The following TRHDE variants were observed in gnomAD, a reference collection of about 807,000 sequenced individuals.
TRHDE encodes the protein thyrotropin releasing hormone degrading enzyme.
In TRHDE, 72 loss-of-function variants were observed where a neutral mutation model predicts 125.7. The ratio of observed to expected loss-of-function variants is 0.57; its 90% CI spans 0.47 to 0.70. The LOEUF (loss-of-function observed/expected upper bound fraction) is 0.70, where lower values mean the gene tolerates loss of function less well. Among genes scored for constraint, TRHDE ranks in the 30% least tolerant of loss-of-function variants. The probability of loss-of-function intolerance (pLI) is 0.00; values close to 1 mark genes in which losing one functional copy is unlikely to be tolerated. For missense variants in TRHDE, 1,110 were observed against 1,327.1 expected, an observed-to-expected ratio of 0.84 and a Z score of 2.54; for synonymous variants, 509 against 509.1, an observed-to-expected ratio of 1.00 and a Z score of 0.00.
chr12:72,171,536 A>C (rs950778852), intron 2 of TRHDE, among the ~76,000 whole-genome samples: 1 of 152,208 alleles, frequency 6.6e-6, no homozygotes, highest in African/African-American at 2.4e-5. Context: ...AAAGGAGAGG[A>C]GTATAGCCTG....
chr12:72,595,689 G>C (rs1462974931), intron 12 of TRHDE, among the ~76,000 whole-genome samples: 4 of 152,076 alleles, frequency 2.6e-5, no homozygotes, highest in African/African-American at 9.7e-5. Context: ...ATGTGACCTT[G>C]AGCAAGTTAC....
rs538356515 is a variant in TRHDE, at chr12:72,125,313, A to G, written n.279+19561A>G. Among the ~76,000 whole-genome samples the G allele has an allele frequency of 4.3e-3, 647 of 152,106 alleles. 1 individual carries two copies. The highest frequency in any genetic ancestry group is 0.015 in the African/African-American group (625 of 41,498). On this transcript the variant is annotated intron_variant and non_coding_transcript_variant, in intron 2 of 4. Coordinates refer to the TRHDE transcript ENST00000548156. ...GGTTCCTTCCAGGTTGTTTATATGT[A>G]TTTGAATTTTTTATTTCACTTATGC...
At chr12:72,591,632 G>GTTTTTTTTTTTTTTTTTTTTTTTTTTTTT (rs71071842) in intron 12 of TRHDE, among the ~76,000 whole-genome samples, 2 of 125,430 alleles carry the variant, frequency 1.6e-5, no homozygotes, top group African/African-American at 6.4e-5. Flanking sequence ...AAGGATATGG[G>GTTTTTTTTTTTTTTTTTTTTTTTTTTTTT]TTTTTTTTTT....
chr12:72,271,907 T>A (rs1050974808), upstream of TRHDE: 13 of 456,448 alleles, frequency 2.8e-5, no homozygotes, highest in African/African-American at 2.0e-4. Flanking sequence ...GGAGTCTCGC[T>A]GTCGGGTCTG....
intron 14 of TRHDE, 67 bp downstream of exon 14, chr12:72,621,272 A>G (rs1033511392): frequency 9.8e-7 from 1 of 1,020,176 alleles, no homozygotes; most frequent in African/African-American, 1.6e-5. Flanking sequence ...TACTAGTGCC[A>G]TTGTGACTTT....
intron 2 of TRHDE, among the ~76,000 whole-genome samples, chr12:72,190,633 C>A (rs1418079887): frequency 6.6e-6 from 1 of 152,112 alleles, no homozygotes; most frequent in Non-Finnish European, 1.5e-5. Flanking sequence ...TTGTTTGTAT[C>A]CATGTGAATA....
chr12:72,615,446 T>C (rs1872778398), intron 12 of TRHDE, among the ~76,000 whole-genome samples: 1 of 152,230 alleles, frequency 6.6e-6, no homozygotes, highest in South Asian at 2.1e-4. Context: ...TTATCAGTAG[T>C]AGTAATCACA....
At position 72,440,791 on chromosome 12, in the gene TRHDE, C is replaced by T. The variant is rs1235251106; in HGVS notation, c.1316-28967C>T. Among the ~76,000 whole-genome samples, 5 of 151,794 alleles carry T rather than the reference C, an allele frequency of 3.3e-5. No homozygotes were observed. In the East Asian group the frequency reaches 9.7e-4, roughly 29 times the overall value. On this transcript the variant is annotated intron_variant, in intron 3 of 18. Transcript: ENST00000261180. ...GCTTGGAACATCAGAGTAGATCGCA[C>T]CCAACACAGGGTCTGTCACAGGTAG...
intron 2 of TRHDE, among the ~76,000 whole-genome samples, chr12:72,373,967 C>T (rs936268413): frequency 6.6e-6 from 1 of 152,060 alleles, no homozygotes; most frequent in Non-Finnish European, 1.5e-5. Context: ...ATTTGAAGCT[C>T]ATTTTAACAA....
chr12:72,386,614 C>T (rs1416032416), intron 3 of TRHDE, among the ~76,000 whole-genome samples: 4 of 152,130 alleles, frequency 2.6e-5, no homozygotes, highest in African/African-American at 9.7e-5. Context: ...ATTTTTTCTC[C>T]TTCCTTTTAC....
At chr12:72,132,709 T>C (rs906245273) in intron 2 of TRHDE, among the ~76,000 whole-genome samples, 10 of 152,184 alleles carry the variant, frequency 6.6e-5, no homozygotes, top group Admixed American at 6.5e-5. Context: ...ACATGCCAGC[T>C]CTGTGCTGGG....
In TRHDE at chr12:72,339,328, T is replaced by A. The variant is rs4303274; in HGVS notation, c.1189-38667T>A. The stretch of plus-strand genomic sequence containing the variant: ...TTCCAATAATATTGACTAGTATTAC[T>A]ATCTTCATCCACTGTTATCTCAACG... On this transcript the variant is annotated intron_variant, in intron 2 of 18. Coordinates refer to ENST00000261180, the MANE Select transcript of TRHDE (RefSeq NM_013381.3). 1.7e-3 allele frequency among the ~76,000 whole-genome samples: 257 copies of A among 152,306 alleles called. 5 individuals are homozygous for A. Among genetic ancestry groups the A allele is most frequent in the African/African-American group, 5.9e-3 (245 of 41,564 alleles).
intron 5 of TRHDE, among the ~76,000 whole-genome samples, chr12:72,486,056 T>A (rs1877392586): frequency 6.6e-6 from 1 of 152,112 alleles, no homozygotes; most frequent in Non-Finnish European, 1.5e-5. Flanking sequence ...AGGTCCTGCA[T>A]TGCTGCTGTA....
intron 2 of TRHDE, among the ~76,000 whole-genome samples, chr12:72,138,310 G>A (rs996324809): frequency 7.2e-5 from 11 of 152,050 alleles, no homozygotes; most frequent in African/African-American, 2.7e-4. Flanking sequence ...AGGAGGCGGA[G>A]GTTGCAGTGA....
chr12:72,621,703 A>T lies in TRHDE; in HGVS notation c.2627A>T (p.Gln876Leu). The T allele has an allele frequency of 6.2e-7, 1 of 1,608,064 alleles. No homozygotes were observed. Among genetic ancestry groups the T allele is most frequent in the Non-Finnish European group, 8.5e-7 (1 of 1,178,124 alleles). ...AGTTTTGGCAACAAGCACTGTCACC[A>T]ACAGGCATCAACACTTATTTCAGAT... ...ACSFGNKHCH[Q>L]QASTLISDWI... The change falls in exon 15 of 19, where the codon CAA becomes CTA. Residue 876 changes from glutamine (Q) to leucine (L), a missense_variant. Gln to Leu is a moderately radical substitution (Grantham distance 113). Around this residue, in one of 5 missense-constraint regions of TRHDE, gnomAD observed 527 missense variants for 651.8 expected, o/e 0.81. Transcript: ENST00000261180.
In TRHDE at chr12:72,473,170, G is replaced by T. The variant is rs1177156201; in HGVS notation, c.1574G>T (p.Gly525Val). Residue 525 changes from glycine to valine, a missense_variant, in exon 5 of 19, where the codon GGC (glycine) becomes GTC (valine). By Grantham distance (109) the Gly-to-Val change is moderately radical. Around this residue, in one of 5 missense-constraint regions of TRHDE, gnomAD observed 527 missense variants for 651.8 expected, o/e 0.81. Coordinates refer to ENST00000261180, the MANE Select transcript of TRHDE (RefSeq NM_013381.3). ...EFVGTDYLYP[G>V]WNMEKQRFLT... ...GTTGGTACAGACTACCTCTATCCTGGCTGGAACATGGTAAGTGCACTTGAA... is the reference window on the plus strand; with the variant it reads ...GTTGGTACAGACTACCTCTATCCTGTCTGGAACATGGTAAGTGCACTTGAA... 1 of 1,613,210 alleles carries T rather than the reference G, an allele frequency of 6.2e-7. No homozygotes were observed. Among genetic ancestry groups the T allele is most frequent in the Non-Finnish European group, 8.5e-7 (1 of 1,179,300 alleles).
chr12:72,178,958 T>C (rs1370325915), intron 2 of TRHDE, among the ~76,000 whole-genome samples: 1 of 152,112 alleles, frequency 6.6e-6, no homozygotes. Flanking sequence ...AAACTGAAGA[T>C]ATATAGAAGA....
intron 2 of TRHDE, among the ~76,000 whole-genome samples, chr12:72,219,787 G>A (rs1877966546): frequency 1.3e-5 from 2 of 152,126 alleles, no homozygotes; most frequent in African/African-American, 4.8e-5. Flanking sequence ...CTGGAGGTCT[G>A]CTGAGATGTT....
intron 2 of TRHDE, among the ~76,000 whole-genome samples, chr12:72,124,898 AT>A: frequency 6.6e-6 from 1 of 152,286 alleles, no homozygotes; most frequent in East Asian, 1.9e-4. Flanking sequence ...TGAATTGTCC[AT>A]TGTTTACTTA....
Sources: gnomAD v4.1 joint callset for allele counts (sites outside exome capture counted in the v4.1 genomes callset) on GRCh38, gnomAD v4.1.1 for gene constraint, gnomAD v4.1.1 regional missense constraint, MANE v1.5 for transcripts, NCBI Gene and HGNC (gene_info 2026-07-23, HGNC 2026-07-21) for gene names.